PRKN: variants seen among roughly 807,000 people sequenced by gnomAD.
PRKN encodes E3 ubiquitin-protein ligase parkin.
A neutral mutation model predicts 59.5 loss-of-function variants in PRKN; 56 were observed. That is an observed-to-expected ratio of 0.94 (90% confidence interval 0.76 to 1.18). The LOEUF is 1.18. PRKN is among the 50% of genes most tolerant of loss of function. The pLI, the probability that PRKN is intolerant of heterozygous loss-of-function variation, is 0.00. For synonymous variants in PRKN, 250 were observed against 222.1 expected, an observed-to-expected ratio of 1.13 and a Z score of -1.12; for missense variants, 657 against 596.4, an observed-to-expected ratio of 1.10 and a Z score of -1.06.
intron 1 of PRKN, among the ~76,000 whole-genome samples, chr6:162,497,560 T>A (rs1267212758): frequency 6.6e-6 from 1 of 152,244 alleles, no homozygotes; most frequent in East Asian, 1.9e-4. Context: ...TTTCATTAAT[T>A]CAAAACACTT....
At chr6:161,889,967 T>C (rs1174193980) in intron 6 of PRKN, among the ~76,000 whole-genome samples, 1 of 152,170 alleles carries the variant, frequency 6.6e-6, no homozygotes, top group East Asian at 1.9e-4. Context: ...ATACATTTAG[T>C]AATCAGTATA....
intron 6 of PRKN, among the ~76,000 whole-genome samples, chr6:161,911,462 G>A (rs1421444048): frequency 6.6e-6 from 1 of 152,086 alleles, no homozygotes; most frequent in Admixed American, 6.6e-5. Context: ...TGTTTTCTAG[G>A]CCATTTCTAT....
intron 2 of PRKN, among the ~76,000 whole-genome samples, chr6:162,388,955 T>A (rs752718134): frequency 6.6e-6 from 1 of 150,930 alleles, no homozygotes; most frequent in Admixed American, 6.6e-5. Context: ...CCCCAGACAC[T>A]TTTTGTCCCC....
In PRKN at chr6:162,418,080, C is replaced by T. The variant is rs542797673; in HGVS notation, c.171+25230G>A. On this transcript the variant is annotated intron_variant, in intron 2 of 11. Coordinates refer to ENST00000366898, the MANE Select transcript of PRKN (RefSeq NM_004562.3). Reference sequence around the variant, plus strand: ...CAAATATTCATGGTAGCATCATTCACGATACTCAACAAGTAGAAACAACCC... The same window carrying T: ...CAAATATTCATGGTAGCATCATTCATGATACTCAACAAGTAGAAACAACCC... Among the ~76,000 whole-genome samples the T allele has an allele frequency of 2.0e-5, 3 of 152,212 alleles. 1 individual carries two copies. The highest frequency in any genetic ancestry group is 2.4e-5 in the African/African-American group (1 of 41,522).
intron 1 of PRKN, among the ~76,000 whole-genome samples, chr6:162,654,086 T>C (rs1778549417): frequency 6.6e-6 from 1 of 152,200 alleles, no homozygotes; most frequent in Non-Finnish European, 1.5e-5. Flanking sequence ...TAGGAAAGAA[T>C]GATCTTACTA....
chr6:161,923,097 G>A (rs887920992), intron 6 of PRKN, among the ~76,000 whole-genome samples: 4 of 152,170 alleles, frequency 2.6e-5, no homozygotes, highest in African/African-American at 9.7e-5. Flanking sequence ...TCAGCAGCTT[G>A]TTTCCCACAC....
intron 1 of PRKN, among the ~76,000 whole-genome samples, chr6:162,609,890 A>G (rs556520998): frequency 7.2e-5 from 11 of 152,288 alleles, no homozygotes; most frequent in African/African-American, 2.6e-4. Context: ...GCGTTCTTAA[A>G]CGCATAACAC....
At chr6:162,391,114 G>A (rs1218389044) in intron 2 of PRKN, among the ~76,000 whole-genome samples, 1 of 152,190 alleles carries the variant, frequency 6.6e-6, no homozygotes, top group Non-Finnish European at 1.5e-5. Context: ...TAAAAATGTT[G>A]AAATACTTAT....
intron 2 of PRKN, among the ~76,000 whole-genome samples, chr6:162,403,589 A>T (rs1367715551): frequency 6.6e-6 from 1 of 152,142 alleles, no homozygotes; most frequent in Non-Finnish European, 1.5e-5. Flanking sequence ...GTGAAGCTGT[A>T]ACCCCCACAC....
chr6:162,592,353 T>C (rs1259326183), intron 1 of PRKN, among the ~76,000 whole-genome samples: 1 of 152,184 alleles, frequency 6.6e-6, no homozygotes, highest in African/African-American at 2.4e-5. Flanking sequence ...CAATTAGATG[T>C]ATTTATCTTT....
At chr6:161,477,388 A>C (rs1435616945) in intron 9 of PRKN, among the ~76,000 whole-genome samples, 10 of 151,822 alleles carry the variant, frequency 6.6e-5, no homozygotes, top group Admixed American at 6.6e-4. Flanking sequence ...GTGGTGGCAC[A>C]TGCCTATAAT....
At position 162,034,168 on chromosome 6, in the gene PRKN, C is replaced by CATATAT. The variant is rs747375762; in HGVS notation, c.618+19917_618+19922dup. 8.5e-3 allele frequency among the ~76,000 whole-genome samples: 1,125 copies of CATATAT among 132,008 alleles called. 6 individuals carry two copies. Among genetic ancestry groups the CATATAT allele is most frequent in the East Asian group, 0.019 (86 of 4,426 alleles). The allele number at this position is 132,008 out of a possible 152,430, so 86.6% of individuals were successfully genotyped here. Reference sequence around the variant, plus strand: ...GTGTGTGTGTGTGTGTGTACACATACATATATATATATATATATAGAGAGA... The same window carrying CATATAT: ...GTGTGTGTGTGTGTGTGTACACATACATATATATATATATATATATATATAGAGAGA... On this transcript the variant is annotated intron_variant, in intron 5 of 11. Transcript: ENST00000366898.
intron 9 of PRKN, among the ~76,000 whole-genome samples, chr6:161,513,823 A>T (rs1778489493): frequency 6.6e-6 from 1 of 152,170 alleles, no homozygotes; most frequent in Non-Finnish European, 1.5e-5. Flanking sequence ...TCCATCACTG[A>T]AAGCTGGGCT....
intron 1 of PRKN, among the ~76,000 whole-genome samples, chr6:162,576,852 T>C (rs1780579651): frequency 6.6e-6 from 1 of 150,648 alleles, no homozygotes; most frequent in Admixed American, 6.6e-5. Context: ...TATTGTACAT[T>C]TTGAATAAAA....
chr6:161,688,551 T>C (rs1354237703), intron 7 of PRKN, among the ~76,000 whole-genome samples: 3 of 152,358 alleles, frequency 2.0e-5, no homozygotes, highest in Non-Finnish European at 4.4e-5. Context: ...AAAAACATGA[T>C]TGCTCTTGTT....
At chr6:161,535,863 G>A (rs1779394126) in intron 9 of PRKN, among the ~76,000 whole-genome samples, 1 of 152,074 alleles carries the variant, frequency 6.6e-6, no homozygotes, top group Admixed American at 6.6e-5. Flanking sequence ...TTAAGCCACT[G>A]CAGTCTTAGG....
chr6:161,754,791 A>C (rs1788844150), intron 7 of PRKN, among the ~76,000 whole-genome samples: 1 of 152,212 alleles, frequency 6.6e-6, no homozygotes, highest in Non-Finnish European at 1.5e-5. Context: ...TAGATCCTCA[A>C]ATTCCTATTT....
At chr6:161,535,511 G>A (rs1779379762) in intron 9 of PRKN, among the ~76,000 whole-genome samples, 1 of 152,180 alleles carries the variant, frequency 6.6e-6, no homozygotes, top group African/African-American at 2.4e-5. Flanking sequence ...ACATTTGTCC[G>A]CTCATCATCC....
intron 4 of PRKN, among the ~76,000 whole-genome samples, chr6:162,100,342 T>G (rs935232554): frequency 6.6e-6 from 1 of 152,170 alleles, no homozygotes; most frequent in Non-Finnish European, 1.5e-5. Context: ...ACTTTTGAGC[T>G]GTTTTCCATA....
Sources: allele counts gnomAD v4.1 joint callset (sites outside exome capture counted in the v4.1 genomes callset), GRCh38; gene constraint gnomAD v4.1.1; transcripts MANE v1.5; gene names NCBI Gene and HGNC (gene_info 2026-07-23, HGNC 2026-07-21).